The following TEC variants were observed in gnomAD, a reference collection of about 807,000 sequenced individuals.
TEC encodes the protein tec protein tyrosine kinase, also known as tyrosine-protein kinase Tec.
Under a neutral mutation model 93.0 loss-of-function variants are expected in TEC, and 72 were observed. The ratio of observed to expected loss-of-function variants is 0.77; its 90% CI spans 0.64 to 0.94. TEC has a LOEUF of 0.94. TEC is among the 40% of genes least tolerant of loss of function. The probability of loss-of-function intolerance (pLI) is 0.00; values close to 1 mark genes in which losing one functional copy is unlikely to be tolerated. For synonymous variants in TEC, 249 were observed against 247.7 expected (o/e 1.01, Z -0.05); for missense variants, 630 against 757.9 (o/e 0.83, Z 1.98).
At chr4:48,236,577 G>A (rs13103259) in intron 1 of TEC, among the ~76,000 whole-genome samples, 21,492 of 152,112 alleles carry the variant, frequency 0.14, 1,984 homozygotes, top group Non-Finnish European at 0.2. Context: ...CCACCGCGCC[G>A]GGCCACAAAC....
At position 48,138,699 on chromosome 4, in the gene TEC, T is replaced by C. The variant is rs776729923; in HGVS notation, c.1778A>G (p.Tyr593Cys). The C allele has an allele frequency of 6.8e-6, 11 of 1,613,862 alleles. No homozygotes were observed. The highest frequency in any genetic ancestry group is 9.3e-6 in the Non-Finnish European group (11 of 1,179,936). Residue 593 changes from tyrosine to cysteine, a missense_variant, in exon 17 of 18, where the codon TAT becomes TGT. By Grantham distance (194) the Tyr-to-Cys change is radical. Coordinates refer to ENST00000381501, the MANE Select transcript of TEC (RefSeq NM_003215.3). ...RLYQPKLASN[Y>C]VYEVMLRCWQ... ...ACATCTCAGCATCACCTCATACACA[T>C]AGTTGGACGCCAACTTCGGCTGGTA...
At chr4:48,238,006 A>G (rs1723830336) in intron 1 of TEC, among the ~76,000 whole-genome samples, 3 of 152,254 alleles carry the variant, frequency 2.0e-5, no homozygotes, top group Admixed American at 2.0e-4. Flanking sequence ...CTATTATATA[A>G]GAATAAATCT....
In TEC at chr4:48,219,368, A is replaced by G. The variant is rs540206037; in HGVS notation, c.138+9109T>C. Among the ~76,000 whole-genome samples, 5 of 152,292 alleles carry G rather than the reference A, an allele frequency of 3.3e-5. No homozygotes were observed. In the South Asian group the frequency reaches 8.3e-4, roughly 25 times the overall value. On this transcript the variant is annotated intron_variant, in intron 2 of 17. Transcript: ENST00000381501. The stretch of plus-strand genomic sequence containing the variant: ...GAGGAGTCAGGGAACATTCTGCTCC[A>G]CCAGCTTCTTGTGGGAGGCTGGATA...
chr4:48,203,332 T>C (rs1722594281), intron 2 of TEC, among the ~76,000 whole-genome samples: 2 of 149,048 alleles, frequency 1.3e-5, no homozygotes, highest in South Asian at 4.2e-4. Context: ...ACCACTGCAC[T>C]CCAGCCTGGG....
At chr4:48,265,213 T>C (rs1456290565) in intron 1 of TEC, among the ~76,000 whole-genome samples, 1 of 151,806 alleles carries the variant, frequency 6.6e-6, no homozygotes, top group Non-Finnish European at 1.5e-5. Context: ...TATATATGTA[T>C]ATATTCAGGC....
chr4:48,151,492 G>T (rs1159909304), intron 9 of TEC, among the ~76,000 whole-genome samples: 2 of 152,048 alleles, frequency 1.3e-5, no homozygotes, highest in Non-Finnish European at 2.9e-5. Context: ...AGTCATATCG[G>T]TCTTTTTTTT....
chr4:48,259,744 A>T (rs1273144843), intron 1 of TEC, among the ~76,000 whole-genome samples: 1 of 152,028 alleles, frequency 6.6e-6, no homozygotes, highest in African/African-American at 2.4e-5. Flanking sequence ...AAGATGTCAA[A>T]AGAAAAATCT....
chr4:48,153,070 C>A (rs375374155), intron 9 of TEC, among the ~76,000 whole-genome samples: 2 of 152,274 alleles, frequency 1.3e-5, no homozygotes, highest in African/African-American at 4.8e-5. Context: ...TCCCTCTATA[C>A]ATTTTACCCT....
intron 1 of TEC, among the ~76,000 whole-genome samples, chr4:48,229,745 A>G (rs1360383096): frequency 6.6e-6 from 1 of 151,262 alleles, no homozygotes; most frequent in Non-Finnish European, 1.5e-5. Context: ...ACTGCACTCC[A>G]GCCTGGGTGA....
At chr4:48,181,995 T>TGGCCCATCTG (rs1355847686) in intron 2 of TEC, among the ~76,000 whole-genome samples, 2 of 152,160 alleles carry the variant, frequency 1.3e-5, no homozygotes, top group African/African-American at 4.8e-5. Flanking sequence ...GTTAATATTG[T>TGGCCCATCTG]GGCCCATCTG....
intron 1 of TEC, among the ~76,000 whole-genome samples, chr4:48,269,464 T>C (rs1293631754): frequency 6.6e-6 from 1 of 152,012 alleles, no homozygotes; most frequent in Non-Finnish European, 1.5e-5. Flanking sequence ...AAGGGGCGGG[T>C]GTTCCTTAGG....
At chr4:48,236,659 C>T (rs1723794444) in intron 1 of TEC, among the ~76,000 whole-genome samples, 1 of 152,206 alleles carries the variant, frequency 6.6e-6, no homozygotes, top group African/African-American at 2.4e-5. Context: ...CACAAGAGTA[C>T]TATTCCCTTT....
At chr4:48,210,712 G>A (rs181057211) in intron 2 of TEC, among the ~76,000 whole-genome samples, 2 of 152,192 alleles carry the variant, frequency 1.3e-5, no homozygotes, top group Admixed American at 6.5e-5. Context: ...GAACCTACCC[G>A]AGGTATGCAT....
intron 1 of TEC, among the ~76,000 whole-genome samples, chr4:48,245,295 GA>G (rs10622690): frequency 8.7e-4 from 126 of 145,324 alleles, no homozygotes; most frequent in Middle Eastern, 3.6e-3. Context: ...CCTTCTCCAG[GA>G]AAAAAAAAAA....
In TEC at chr4:48,145,335, A is replaced by G. The variant is rs747781054; in HGVS notation, c.1254-40T>C. ...ATATATATAGTTACTATAGGAAAAG[A>G]AACTACCAAGTTTTTGGTAAGGGGC... On this transcript the variant is annotated intron_variant, in intron 13 of 17. Coordinates refer to ENST00000381501, the MANE Select transcript of TEC (RefSeq NM_003215.3). 5.2e-5 allele frequency: 84 copies of G among 1,611,288 alleles called. 2 individuals are homozygous for G. In the Admixed American group the frequency reaches 1.4e-3, roughly 27 times the overall value.
At chr4:48,145,643 G>A (rs1008865051) in intron 12 of TEC, 64 bp from the exon 13 acceptor site, 1 of 1,558,380 alleles carries the variant, frequency 6.4e-7, no homozygotes, top group Admixed American at 1.8e-5. Flanking sequence ...ATCAGAGAGG[G>A]GGAAAAAGAA....
At chr4:48,182,010 G>C (rs1721610152) in intron 2 of TEC, among the ~76,000 whole-genome samples, 1 of 151,948 alleles carries the variant, frequency 6.6e-6, no homozygotes. Flanking sequence ...CATCTGGGTG[G>C]AGTTGCTCAT....
At chr4:48,204,312 T>C (rs1208134229) in intron 2 of TEC, among the ~76,000 whole-genome samples, 1 of 152,148 alleles carries the variant, frequency 6.6e-6, no homozygotes. Context: ...CAGCTCCCAG[T>C]TAAAAACCGT....
At chr4:48,217,504 TAGG>T (rs1723121275) in intron 2 of TEC, among the ~76,000 whole-genome samples, 1 of 152,150 alleles carries the variant, frequency 6.6e-6, no homozygotes, top group Admixed American at 6.5e-5. Flanking sequence ...ACAATGAAAG[TAGG>T]AGAATAGACT....
Sources: allele counts gnomAD v4.1 joint callset (sites outside exome capture counted in the v4.1 genomes callset), GRCh38; gene constraint gnomAD v4.1.1; transcripts MANE v1.5; gene names NCBI Gene and HGNC (gene_info 2026-07-23, HGNC 2026-07-21).